The following PALS1 variants were observed in gnomAD, a reference collection of about 807,000 sequenced individuals.
PALS1 encodes protein PALS1.
Under a neutral mutation model 78.9 loss-of-function variants are expected in PALS1, and 31 were observed. The ratio of observed to expected loss-of-function variants is 0.39; its 90% CI spans 0.30 to 0.53. PALS1 has a LOEUF of 0.53. Among genes scored for constraint, PALS1 ranks in the 20% least tolerant of loss-of-function variants. The pLI is 0.67. For missense variants in PALS1, 704 were observed against 826.5 expected (o/e 0.85, Z 1.82); for synonymous variants, 276 against 270.9 (o/e 1.02, Z -0.18).
intron 9 of PALS1, among the ~76,000 whole-genome samples, chr14:67,313,346 GCAAACAT>G (rs1002299698): frequency 6.6e-6 from 1 of 152,186 alleles, no homozygotes; most frequent in Non-Finnish European, 1.5e-5. Context: ...TCATTGTTGT[GCAAACAT>G]CACTGAGTGT....
chr14:67,306,446 G>GT (rs2085005577), intron 8 of PALS1, among the ~76,000 whole-genome samples: 1 of 151,852 alleles, frequency 6.6e-6, no homozygotes, highest in South Asian at 2.1e-4. Context: ...CTGTGTTCAA[G>GT]CATTCTCCTG....
chr14:67,294,189 A>G (rs1320936216), intron 4 of PALS1, among the ~76,000 whole-genome samples: 1 of 152,170 alleles, frequency 6.6e-6, no homozygotes, highest in Non-Finnish European at 1.5e-5. Flanking sequence ...AGATTTTCTG[A>G]AAGTTTGCTT....
rs1466313683 is a variant in PALS1, at chr14:67,333,656, A to T, written c.*700A>T. ...CTCTAATCTACTTAAAGGTATACAA[A>T]ATATGCTGATCTTTTTTAAATTATG... On this transcript the variant is annotated 3_prime_UTR_variant, in exon 15 of 15. Coordinates refer to ENST00000261681, the MANE Select transcript of PALS1 (RefSeq NM_022474.4). 1 of 152,596 alleles carries T rather than the reference A, an allele frequency of 6.6e-6. No homozygotes were observed. The highest frequency in any genetic ancestry group is 1.5e-5 in the Non-Finnish European group (1 of 68,022). The allele number at this position is 152,596 out of a possible 1,614,324, so 9.5% of individuals were successfully genotyped here.
rs144627228 is a variant in PALS1, at chr14:67,263,965, T to C, written c.-236-5736T>C. ...TGTATGCTATTCACAGGCATGATGATAGCCCCACTATAGCCGTGAACTCCT... is the reference window on the plus strand; with the variant it reads ...TGTATGCTATTCACAGGCATGATGACAGCCCCACTATAGCCGTGAACTCCT... On this transcript the variant is annotated intron_variant, in intron 1 of 14. Transcript: ENST00000261681. Among the ~76,000 whole-genome samples, 415 of 152,298 alleles carry C rather than the reference T, an allele frequency of 2.7e-3. 1 individual carries two copies. The highest frequency in any genetic ancestry group is 9.4e-3 in the African/African-American group (389 of 41,558).
At chr14:67,305,532 C>T (rs908729049) in intron 8 of PALS1, among the ~76,000 whole-genome samples, 4 of 152,224 alleles carry the variant, frequency 2.6e-5, no homozygotes, top group East Asian at 1.9e-4. Flanking sequence ...CCACCCGCCT[C>T]GGCCTCCCGA....
intron 1 of PALS1, among the ~76,000 whole-genome samples, chr14:67,267,021 C>A (rs1007220306): frequency 1.3e-5 from 2 of 151,938 alleles, no homozygotes; most frequent in East Asian, 3.9e-4. Context: ...GCGGGAAGAT[C>A]ACTTGAGCCT....
intron 4 of PALS1, chr14:67,295,114 T>C (rs1014223409): frequency 2.6e-5 from 4 of 151,724 alleles, no homozygotes; most frequent in African/African-American, 9.7e-5. Context: ...AGTGTGTGTG[T>C]GTGTGTGTGT....
intron 1 of PALS1, among the ~76,000 whole-genome samples, chr14:67,253,727 G>A (rs901818601): frequency 3.9e-5 from 6 of 151,930 alleles, no homozygotes; most frequent in African/African-American, 1.5e-4. Context: ...TGTAGTCCCA[G>A]CTACTTGGGA....
At chr14:67,329,983 G>A (rs2085422207) in intron 14 of PALS1, among the ~76,000 whole-genome samples, 1 of 151,240 alleles carries the variant, frequency 6.6e-6, no homozygotes, top group Admixed American at 6.6e-5. Context: ...TATTGTGAAA[G>A]AATGGTATTG....
chr14:67,276,256 T>C (rs2084502810), intron 2 of PALS1, among the ~76,000 whole-genome samples: 1 of 152,188 alleles, frequency 6.6e-6, no homozygotes, highest in Non-Finnish European at 1.5e-5. Context: ...AGTTTTATCA[T>C]TATTCATGTA....
chr14:67,329,879 TA>T (rs201445972), intron 14 of PALS1, among the ~76,000 whole-genome samples: 6,765 of 98,748 alleles, frequency 0.069, 313 homozygotes, highest in African/African-American at 0.28. Flanking sequence ...AATAAATAAA[TA>T]GATATAGAAA....
chr14:67,332,990 A>C lies in PALS1; in HGVS notation c.*34A>C, dbSNP rs2085473919. 1.3e-6 allele frequency: 2 copies of C among 1,578,994 alleles called. No homozygotes were observed. The highest frequency in any genetic ancestry group is 2.7e-5 in the African/African-American group (2 of 74,178). On this transcript the variant is annotated 3_prime_UTR_variant, in exon 15 of 15. Coordinates refer to ENST00000261681, the MANE Select transcript of PALS1 (RefSeq NM_022474.4). ...TCCATTCTGTGGCATGTTGGACTTG[A>C]TCTGGCAAAAACTGCCAATAGGAGG... is the stretch of plus-strand genomic sequence containing the variant.
At chr14:67,271,113 T>C (rs2084400187) in intron 2 of PALS1, 1 of 152,068 alleles carries the variant, frequency 6.6e-6, no homozygotes, top group Non-Finnish European at 1.5e-5. Context: ...AGAGGAGTGG[T>C]TTGCTCATAT....
chr14:67,270,939 C>G (rs1007911771), intron 2 of PALS1: 3 of 152,096 alleles, frequency 2.0e-5, no homozygotes, highest in Non-Finnish European at 2.9e-5. Flanking sequence ...AAAAGTAGTT[C>G]ATCAGTCATT....
chr14:67,261,641 A>G (rs2084239262), intron 1 of PALS1, among the ~76,000 whole-genome samples: 1 of 152,142 alleles, frequency 6.6e-6, no homozygotes, highest in Admixed American at 6.6e-5. Context: ...AGAGAATAAA[A>G]TTTTTTATAT....
intron 3 of PALS1, among the ~76,000 whole-genome samples, chr14:67,290,698 A>ATTT (rs935539644): frequency 2.0e-5 from 3 of 152,028 alleles, no homozygotes; most frequent in Non-Finnish European, 2.9e-5. Flanking sequence ...GTGCCTAGAC[A>ATTT]TTTTTTATAT....
intron 8 of PALS1, among the ~76,000 whole-genome samples, 169 bp from the exon 9 acceptor site, chr14:67,312,358 G>A (rs997075886): frequency 8.5e-5 from 13 of 152,122 alleles, no homozygotes; most frequent in African/African-American, 2.7e-4. Context: ...GAGAAGGATC[G>A]CTTGAGGCTA....
intron 6 of PALS1, 120 bp from the exon 7 acceptor site, chr14:67,302,285 ATAAAT>A: frequency 9.3e-7 from 1 of 1,072,274 alleles, no homozygotes; most frequent in Non-Finnish European, 1.2e-6. Flanking sequence ...AGTTGTGTAA[ATAAAT>A]TTTTTCTTAA....
At chr14:67,249,631 T>C (rs1442563326) in intron 1 of PALS1, among the ~76,000 whole-genome samples, 4 of 152,244 alleles carry the variant, frequency 2.6e-5, no homozygotes, top group Admixed American at 6.5e-5. Context: ...TATGTGTCTA[T>C]AGTTATCTTT....
Sources: gnomAD v4.1 joint callset for allele counts (sites outside exome capture counted in the v4.1 genomes callset) on GRCh38, gnomAD v4.1.1 for gene constraint, MANE v1.5 for transcripts, NCBI Gene and HGNC (gene_info 2026-07-23, HGNC 2026-07-21) for gene names.